The following PDE4D variants were observed in gnomAD, a reference collection of about 807,000 sequenced individuals.
PDE4D encodes phosphodiesterase 4D.
A neutral mutation model predicts 87.4 loss-of-function variants in PDE4D; 24 were observed. The ratio of observed to expected loss-of-function variants is 0.27; its 90% CI spans 0.20 to 0.39. The LOEUF is 0.39. Among genes scored for constraint, PDE4D ranks in the 10% least tolerant of loss-of-function variants. The pLI, the probability that PDE4D is intolerant of heterozygous loss-of-function variation, is 1.00. For missense variants in PDE4D, 714 were observed against 1,041.0 expected (o/e 0.69, Z 4.32); for synonymous variants, 384 against 383.2 (o/e 1.00, Z -0.02).
In PDE4D at chr5:59,441,667, C is replaced by T. The variant is rs140154580; in HGVS notation, c.456-225699G>A. ...CAGTCAGCTTAATTTCTCTGCTGTACATCTATGAATAAGGCTTAAGACAGA... is the reference window on the plus strand; with the variant it reads ...CAGTCAGCTTAATTTCTCTGCTGTATATCTATGAATAAGGCTTAAGACAGA... On this transcript the variant is annotated intron_variant, in intron 1 of 14. Coordinates refer to ENST00000340635, the MANE Select transcript of PDE4D (RefSeq NM_001104631.2). Among the ~76,000 whole-genome samples the T allele has an allele frequency of 1.6e-4, 25 of 152,322 alleles. No individual in the cohort carries two copies. The East Asian group carries it at 4.8e-3, about 29-fold the overall frequency.
In PDE4D at chr5:59,693,828, A is replaced by G. The variant is rs563641165; in HGVS notation, c.455+199340T>C. 5.9e-5 allele frequency among the ~76,000 whole-genome samples: 9 copies of G among 152,344 alleles called. No individual in the cohort carries two copies. In the East Asian group the frequency reaches 1.5e-3, roughly 26 times the overall value. On this transcript the variant is annotated intron_variant, in intron 1 of 14. Coordinates refer to ENST00000340635, the MANE Select transcript of PDE4D (RefSeq NM_001104631.2). ...TGAGCAGATAAAGGAAAGAATCTAA[A>G]TAAGATTCACTTTCAATAAGCTCGG...
chr5:59,526,991 T>C (rs1244822389), intron 1 of PDE4D, among the ~76,000 whole-genome samples: 1 of 152,200 alleles, frequency 6.6e-6, no homozygotes, highest in Non-Finnish European at 1.5e-5. Flanking sequence ...ACACTGTTCA[T>C]TTTAATTTTT....
At chr5:59,830,372 G>C (rs896264888) in intron 1 of PDE4D, among the ~76,000 whole-genome samples, 1 of 151,870 alleles carries the variant, frequency 6.6e-6, no homozygotes, top group African/African-American at 2.4e-5. Context: ...AACTCAAAAG[G>C]CTGAAAAAGA....
chr5:59,879,281 T>C (rs1408745431), intron 1 of PDE4D, among the ~76,000 whole-genome samples: 2 of 152,218 alleles, frequency 1.3e-5, no homozygotes, highest in Non-Finnish European at 2.9e-5. Flanking sequence ...TGTAACATCT[T>C]ATAGGGAAGT....
intron 1 of PDE4D, among the ~76,000 whole-genome samples, chr5:60,471,999 G>T (rs527857252): frequency 6.6e-6 from 1 of 152,012 alleles, no homozygotes; most frequent in African/African-American, 2.4e-5. Context: ...CATTTTTACC[G>T]ATAGTTATAT....
At chr5:60,058,842 T>C (rs553934096) in intron 2 of PDE4D, among the ~76,000 whole-genome samples, 2 of 152,092 alleles carry the variant, frequency 1.3e-5, no homozygotes, top group Admixed American at 1.3e-4. Context: ...CATGAAAATC[T>C]TCCTCATTTT....
chr5:59,076,204 C>A (rs1488053119), intron 5 of PDE4D, among the ~76,000 whole-genome samples: 1 of 152,114 alleles, frequency 6.6e-6, no homozygotes, highest in East Asian at 1.9e-4. Context: ...GTACTTTACA[C>A]TGATATTTAC....
At chr5:59,490,304 T>C (rs1433693971) in intron 1 of PDE4D, among the ~76,000 whole-genome samples, 1 of 152,210 alleles carries the variant, frequency 6.6e-6, no homozygotes, top group South Asian at 2.1e-4. Flanking sequence ...TACCACTGCA[T>C]GCAAAATAGC....
intron 2 of PDE4D, among the ~76,000 whole-genome samples, chr5:60,183,430 C>G (rs1784532633): frequency 6.6e-6 from 1 of 152,148 alleles, no homozygotes; most frequent in East Asian, 1.9e-4. Context: ...TTTAACCACC[C>G]ATCTTATGCC....
chr5:60,143,744 A>G (rs1184392591), intron 2 of PDE4D, among the ~76,000 whole-genome samples: 1 of 151,930 alleles, frequency 6.6e-6, no homozygotes, highest in Non-Finnish European at 1.5e-5. Flanking sequence ...AAGAAAATTT[A>G]TTGATTATGT....
At position 60,063,095 on chromosome 5, in the gene PDE4D, G is replaced by GA. The variant is rs1554144202; in HGVS notation, c.43-74379dup. ...CTTAAAGAAGAAAGAAAGAAAGAAA[G>GA]AAGAAAGAAAGAAAGAAAGAAAGAA... On this transcript the variant is annotated intron_variant, in intron 2 of 16. Transcript: ENST00000502484. Among the ~76,000 whole-genome samples, 140 of 97,272 alleles carry GA rather than the reference G, an allele frequency of 1.4e-3. 2 individuals are homozygous for GA. Among genetic ancestry groups the GA allele is most frequent in the African/African-American group, 2.7e-3 (70 of 25,536 alleles). 63.8% of individuals were successfully genotyped at this position (97,272 alleles called of 152,430 possible).
chr5:59,604,571 T>G (rs1291305550), intron 1 of PDE4D, among the ~76,000 whole-genome samples: 3 of 151,886 alleles, frequency 2.0e-5, no homozygotes, highest in African/African-American at 7.2e-5. Flanking sequence ...GTCTATAAAT[T>G]AGAGTAAGAC....
At chr5:59,929,864 C>A (rs571546666) in intron 3 of PDE4D, among the ~76,000 whole-genome samples, 45 of 152,256 alleles carry the variant, frequency 3.0e-4, no homozygotes, top group Middle Eastern at 6.8e-3. Flanking sequence ...AACAAGGAAG[C>A]TCTAGCTGTC....
intron 1 of PDE4D, among the ~76,000 whole-genome samples, chr5:59,249,708 A>T (rs548874060): frequency 3.3e-5 from 5 of 152,328 alleles, no homozygotes; most frequent in South Asian, 2.1e-4. Flanking sequence ...CAATCCAGGT[A>T]ATTGCTATTA....
At chr5:59,817,233 C>T (rs1769076390) in intron 1 of PDE4D, among the ~76,000 whole-genome samples, 1 of 152,180 alleles carries the variant, frequency 6.6e-6, no homozygotes, top group South Asian at 2.1e-4. Context: ...TTCTCCCTCT[C>T]CCTCATTTAG....
chr5:59,660,050 T>C (rs1219594372), intron 1 of PDE4D, among the ~76,000 whole-genome samples: 1 of 152,006 alleles, frequency 6.6e-6, no homozygotes, highest in East Asian at 1.9e-4. Context: ...TCAAGTGTGG[T>C]GGCATACACC....
chr5:59,220,377 C>CAAAAAAAAAAAAAAAAAAAAA (rs57610513), intron 1 of PDE4D, among the ~76,000 whole-genome samples: 3 of 36,152 alleles, frequency 8.3e-5, no homozygotes, highest in East Asian at 1.8e-3. Flanking sequence ...GACTCTGTCT[C>CAAAAAAAAAAAAAAAAAAAAA]AAAAAAAAAA....
At chr5:59,737,819 T>G (rs752943654) in intron 1 of PDE4D, among the ~76,000 whole-genome samples, 1 of 152,134 alleles carries the variant, frequency 6.6e-6, no homozygotes, top group Non-Finnish European at 1.5e-5. Context: ...TATGAATCCA[T>G]ATAGTTATGC....
intron 1 of PDE4D, among the ~76,000 whole-genome samples, chr5:60,253,379 C>T (rs910379369): frequency 6.6e-6 from 1 of 151,858 alleles, no homozygotes; most frequent in Admixed American, 6.6e-5. Flanking sequence ...TCTGTGGTCT[C>T]CTGCAATCAC....
Sources: allele counts gnomAD v4.1 joint callset (sites outside exome capture counted in the v4.1 genomes callset), GRCh38; gene constraint gnomAD v4.1.1; transcripts MANE v1.5; gene names NCBI Gene and HGNC (gene_info 2026-07-23, HGNC 2026-07-21).